The following PRKD1 variants were observed in gnomAD, a reference collection of about 807,000 sequenced individuals.
PRKD1 encodes serine/threonine-protein kinase D1.
In PRKD1, 63 loss-of-function variants were observed where a neutral mutation model predicts 95.9. The observed-to-expected ratio is 0.66, with a 90% CI of 0.54 to 0.81. PRKD1 has a LOEUF of 0.81. Ranked by LOEUF, PRKD1 falls within the 30% of genes least tolerant of loss-of-function variation. The pLI, the probability that PRKD1 is intolerant of heterozygous loss-of-function variation, is 0.00. For missense variants in PRKD1, 1,048 were observed against 1,165.3 expected (o/e 0.90, Z 1.47); for synonymous variants, 425 against 423.1 (o/e 1.00, Z -0.05).
At chr14:29,727,436 T>C (rs527647644) in intron 1 of PRKD1, among the ~76,000 whole-genome samples, 1 of 151,724 alleles carries the variant, frequency 6.6e-6, no homozygotes, top group South Asian at 2.1e-4. Context: ...TTGTTGCCAT[T>C]GCTTTTGGTG....
intron 2 of PRKD1, among the ~76,000 whole-genome samples, chr14:29,679,330 C>T (rs1008670714): frequency 1.3e-5 from 2 of 152,174 alleles, no homozygotes; most frequent in African/African-American, 4.8e-5. Context: ...TTTGGTAGAG[C>T]TTTGAAGTCA....
rs1022576848 is a variant in PRKD1 at position 29,592,882 on chromosome 14, C to A, written c.2434+4609G>T. On this transcript the variant is annotated intron_variant, in intron 16 of 17. Coordinates refer to ENST00000331968, the MANE Select transcript of PRKD1 (RefSeq NM_002742.3). ...GAAATTATTAAAATTTGTGTTACTA[C>A]TCTAGCTCTATGCCTGTGAAAGCAT... is the stretch of plus-strand genomic sequence containing the variant. 5.3e-5 allele frequency: 8 copies of A among 152,158 alleles called. No homozygotes were observed. In the South Asian group the frequency reaches 8.3e-4, roughly 16 times the overall value. The allele number at this position is 152,158 out of a possible 1,614,324, so 9.4% of individuals were successfully genotyped here. A position where few individuals can be genotyped will look rare whatever the true frequency, so the allele number is the denominator to read the frequency against.
In PRKD1 at chr14:29,840,929, A is replaced by T. The variant is rs1460952003; in HGVS notation, c.264+86320T>A. Among the ~76,000 whole-genome samples, 4 of 152,204 alleles carry T rather than the reference A, an allele frequency of 2.6e-5. No individual in the cohort carries two copies. In the South Asian group the frequency reaches 6.2e-4, roughly 24 times the overall value. On this transcript the variant is annotated intron_variant, in intron 1 of 17. Transcript: ENST00000331968. ...GGTGGGGACACAGCCAAACCGTATC[A>T]GGGGTAGTGCTGACCAAGACCACAG...
At position 29,629,097 on chromosome 14, in the gene PRKD1, G is replaced by A. The variant is rs182572734; in HGVS notation, c.1673-4C>T. On this transcript the variant is annotated splice_region_variant and splice_polypyrimidine_tract_variant and intron_variant, in intron 10 of 17. Coordinates refer to ENST00000331968, the MANE Select transcript of PRKD1 (RefSeq NM_002742.3). ...GAAATACTCACAGAGATATCTCCTG[G>A]AAATGCATGTAAAACAATATGCACA... 1 of 1,605,114 alleles carries A rather than the reference G, an allele frequency of 6.2e-7. No individual in the cohort carries two copies. Among genetic ancestry groups the A allele is most frequent in the African/African-American group, 1.3e-5 (1 of 74,588 alleles).
intron 15 of PRKD1, among the ~76,000 whole-genome samples, chr14:29,598,506 G>A (rs1197374614): frequency 6.6e-6 from 1 of 152,056 alleles, no homozygotes; most frequent in Non-Finnish European, 1.5e-5. Context: ...TAAGTACAGA[G>A]ATGTGTCATG....
intron 1 of PRKD1, among the ~76,000 whole-genome samples, chr14:29,758,150 T>C (rs1376314843): frequency 6.8e-6 from 1 of 147,346 alleles, no homozygotes; most frequent in African/African-American, 2.5e-5. Context: ...AAAAAAACTC[T>C]CCCTACCAAG....
chr14:29,591,673 CA>C (rs1893135178), intron 16 of PRKD1, among the ~76,000 whole-genome samples: 1 of 152,148 alleles, frequency 6.6e-6, no homozygotes, highest in Non-Finnish European at 1.5e-5. Context: ...GGCTCTTTGG[CA>C]AAATTACTAG....
intron 4 of PRKD1, chr14:29,656,527 A>T: frequency 2.0e-6 from 3 of 1,534,586 alleles, no homozygotes; most frequent in Non-Finnish European, 1.7e-6. Context: ...AAGAGCAAAA[A>T]GCAGGCAAAG....
rs1486571102 is a variant in PRKD1 at position 29,597,724 on chromosome 14, A to G, written c.2201T>C (p.Ile734Thr). Reference protein sequence around the residue: ...KLCDFGFARIIGEKSFRRSVV... With the variant: ...KLCDFGFARITGEKSFRRSVV... ...TGACCTCCGGAAAGACTTCTCTCCA[A>G]TGATCCGGGCAAAACCAAAATCACA... Residue 734 changes from isoleucine to threonine, a missense_variant, in exon 16 of 18, where the codon ATT (isoleucine) becomes ACT (threonine). Transcript: ENST00000331968. 6.2e-7 allele frequency: 1 copy of G among 1,613,430 alleles called. No individual in the cohort carries two copies.
intron 16 of PRKD1, among the ~76,000 whole-genome samples, chr14:29,590,904 G>A (rs571187967): frequency 1.3e-5 from 2 of 152,120 alleles, no homozygotes; most frequent in Admixed American, 6.5e-5. Context: ...TCAGCCTATC[G>A]AGTAGCTGGG....
At chr14:29,766,305 G>C (rs1888254416) in intron 1 of PRKD1, among the ~76,000 whole-genome samples, 1 of 152,122 alleles carries the variant, frequency 6.6e-6, no homozygotes, top group Non-Finnish European at 1.5e-5. Context: ...CTATTGTCCT[G>C]ACTTTTGATT....
At chr14:29,768,883 C>T (rs140466727) in intron 1 of PRKD1, among the ~76,000 whole-genome samples, 1 of 152,052 alleles carries the variant, frequency 6.6e-6, no homozygotes, top group African/African-American at 2.4e-5. Context: ...GTATAACTAT[C>T]CTTGGTTACA....
At chr14:29,837,142 G>C (rs968926061) in intron 1 of PRKD1, among the ~76,000 whole-genome samples, 1 of 152,024 alleles carries the variant, frequency 6.6e-6, no homozygotes, top group Non-Finnish European at 1.5e-5. Flanking sequence ...ATAATTCCGA[G>C]AAGTATACCA....
chr14:29,658,630 T>C (rs1412986874), intron 4 of PRKD1, among the ~76,000 whole-genome samples: 2 of 152,198 alleles, frequency 1.3e-5, no homozygotes, highest in African/African-American at 4.8e-5. Context: ...GAGCGACCTG[T>C]TTCATTGGTA....
chr14:29,731,444 C>A (rs756219829), intron 1 of PRKD1, among the ~76,000 whole-genome samples: 1 of 152,006 alleles, frequency 6.6e-6, no homozygotes, highest in Non-Finnish European at 1.5e-5. Flanking sequence ...TATAAATATC[C>A]GTTAGATTAA....
chr14:29,633,478 A>T (rs970699532), intron 8 of PRKD1, among the ~76,000 whole-genome samples: 2 of 152,180 alleles, frequency 1.3e-5, no homozygotes, highest in Non-Finnish European at 2.9e-5. Context: ...CATCAACTTA[A>T]AGTCAGGGGA....
At chr14:29,723,670 C>CAT (rs138460120) in intron 2 of PRKD1, among the ~76,000 whole-genome samples, 1 of 149,542 alleles carries the variant, frequency 6.7e-6, no homozygotes, top group Non-Finnish European at 1.5e-5. Flanking sequence ...ATTGAGTGTG[C>CAT]GTGTGTGTGT....
chr14:29,780,855 C>G (rs182865383), intron 1 of PRKD1, among the ~76,000 whole-genome samples: 424 of 152,216 alleles, frequency 2.8e-3, no homozygotes, highest in Admixed American at 8.8e-3. Context: ...TTTATTCCAG[C>G]ACTATTCACA....
chr14:29,814,224 G>A (rs1292048058), intron 1 of PRKD1, among the ~76,000 whole-genome samples: 1 of 152,178 alleles, frequency 6.6e-6, no homozygotes, highest in Non-Finnish European at 1.5e-5. Flanking sequence ...TCACCTGACT[G>A]TATTGTCTGT....
Sources: allele counts gnomAD v4.1 joint callset (sites outside exome capture counted in the v4.1 genomes callset), GRCh38; gene constraint gnomAD v4.1.1; transcripts MANE v1.5; gene names NCBI Gene and HGNC (gene_info 2026-07-23, HGNC 2026-07-21).